Variants in NR6A1 observed in about 807,000 individuals in gnomAD.
The protein encoded by NR6A1 is retinoic acid receptor-related testis-associated receptor.
Under a neutral mutation model 59.1 loss-of-function variants are expected in NR6A1, and 7 were observed. The observed-to-expected ratio is 0.12, with a 90% CI of 0.07 to 0.22. The LOEUF is 0.22. NR6A1 is among the 10% of genes least tolerant of loss of function. The pLI, the probability that NR6A1 is intolerant of heterozygous loss-of-function variation, is 1.00. For missense variants in NR6A1, 468 were observed against 611.6 expected, an observed-to-expected ratio of 0.77 and a Z score of 2.48; for synonymous variants, 243 against 236.1, an observed-to-expected ratio of 1.03 and a Z score of -0.27.
At chr9:124,750,681 A>T (rs1322280199) in intron 1 of NR6A1, among the ~76,000 whole-genome samples, 1 of 152,042 alleles carries the variant, frequency 6.6e-6, no homozygotes, top group Non-Finnish European at 1.5e-5. Context: ...AATGGCGTGA[A>T]CCCAGGAGGC....
Position 124,521,619 on chromosome 9 carries a change from A to AGGAAG in NR6A1, c.*1081_*1085dup, listed in dbSNP as rs1048463701. 8.5e-5 allele frequency: 13 copies of AGGAAG among 152,310 alleles called. No homozygotes were observed. The highest frequency in any genetic ancestry group is 3.1e-4 in the African/African-American group (13 of 41,476). The allele number at this position is 152,310 out of a possible 1,614,324, so 9.4% of individuals were successfully genotyped here. A position where few individuals can be genotyped will look rare whatever the true frequency, so the allele number is the denominator to read the frequency against. On this transcript the variant is annotated 3_prime_UTR_variant, in exon 10 of 10. Coordinates refer to ENST00000487099, the MANE Select transcript of NR6A1 (RefSeq NM_033334.4). ...TCGGATTTAGACCTGAGGGTGCGGT[A>AGGAAG]GGAAGGGGAGGGGAGAGGAACAGAT... is the stretch of plus-strand genomic sequence containing the variant.
chr9:124,724,440 A>C lies in NR6A1; in HGVS notation c.142+8868T>G, dbSNP rs574480646. On this transcript the variant is annotated intron_variant, in intron 2 of 9. Coordinates refer to ENST00000487099, the MANE Select transcript of NR6A1 (RefSeq NM_033334.4). The stretch of plus-strand genomic sequence containing the variant: ...CTGGTAAAAAAAGAGAAAAAAAAAA[A>C]CCACACAGCTAAAAAGCTTCTAATA... Among the ~76,000 whole-genome samples the C allele has an allele frequency of 5.3e-4, 81 of 152,060 alleles. 1 individual carries two copies. The South Asian group carries it at 0.016, about 30-fold the overall frequency.
In NR6A1 at chr9:124,694,498, G is replaced by C. The variant is rs749918601; in HGVS notation, c.142+38810C>G. 2.4e-4 allele frequency among the ~76,000 whole-genome samples: 37 copies of C among 152,066 alleles called. 1 individual carries two copies. Among genetic ancestry groups the C allele is most frequent in the Non-Finnish European group, 5.1e-4 (35 of 68,008 alleles). On this transcript the variant is annotated intron_variant, in intron 2 of 9. Transcript: ENST00000487099. ...ATTCTCTTTTGACAAAAACTATGAG[G>C]CTCATTCATTCTAACCTTTGCAAAC...
intron 2 of NR6A1, among the ~76,000 whole-genome samples, chr9:124,585,564 G>C (rs898821255): frequency 7.4e-6 from 1 of 136,000 alleles, no homozygotes; most frequent in Non-Finnish European, 1.6e-5. Context: ...AAAAAGGGGG[G>C]GGGGGGCAAG....
In NR6A1 at chr9:124,733,317, G is replaced by T. The variant is rs1839935052; in HGVS notation, c.133C>A (p.Pro45Thr). The change falls in exon 2 of 10, where the codon CCA becomes ACA. Residue 45 changes from proline (P) to threonine (T), a missense_variant. Pro to Thr is a conservative substitution (Grantham distance 38). This residue lies in a region of NR6A1 where 75 missense variants were observed against 65.6 expected (regional missense o/e 1.14). Coordinates refer to ENST00000487099, the MANE Select transcript of NR6A1 (RefSeq NM_033334.4). Reference sequence around the variant, plus strand: ...AACATTGAGAACTTACTAGTGCCTGGGTCAAGCTCTGCCAATTCATCCTGA... The same window carrying T: ...AACATTGAGAACTTACTAGTGCCTGTGTCAAGCTCTGCCAATTCATCCTGA... ...FCQDELAELDPGTISVSDDRA... is the reference protein window; with the variant it reads ...FCQDELAELDTGTISVSDDRA... The T allele has an allele frequency of 6.2e-7, 1 of 1,612,446 alleles. No homozygotes were observed. The highest frequency in any genetic ancestry group is 1.7e-5 in the Admixed American group (1 of 59,978).
chr9:124,677,271 C>T (rs1837994254), intron 2 of NR6A1, among the ~76,000 whole-genome samples: 1 of 152,046 alleles, frequency 6.6e-6, no homozygotes, highest in Non-Finnish European at 1.5e-5. Context: ...TATTTCCTTT[C>T]TTCTGGAGAC....
chr9:124,660,504 C>T (rs1366428943), intron 2 of NR6A1, among the ~76,000 whole-genome samples: 1 of 152,156 alleles, frequency 6.6e-6, no homozygotes, highest in Non-Finnish European at 1.5e-5. Context: ...TTAGTTCCAG[C>T]CACCATTCGC....
At chr9:124,762,627 T>G (rs755059431) in intron 1 of NR6A1, among the ~76,000 whole-genome samples, 1 of 152,224 alleles carries the variant, frequency 6.6e-6, no homozygotes, top group African/African-American at 2.4e-5. Context: ...AGTGTGAGTT[T>G]AAAACCATAT....
At chr9:124,523,385 T>C (rs1320969706) in intron 9 of NR6A1, among the ~76,000 whole-genome samples, 4 of 152,182 alleles carry the variant, frequency 2.6e-5, no homozygotes, top group Non-Finnish European at 5.9e-5. Flanking sequence ...AATTTATAAA[T>C]ACCTAAGGCT....
intron 2 of NR6A1, among the ~76,000 whole-genome samples, chr9:124,608,647 G>T (rs1835644237): frequency 6.6e-6 from 1 of 152,092 alleles, no homozygotes; most frequent in African/African-American, 2.4e-5. Flanking sequence ...ATATTCCTTT[G>T]GGTATATACC....
chr9:124,712,993 C>T (rs1177191016), intron 2 of NR6A1, among the ~76,000 whole-genome samples: 2 of 152,232 alleles, frequency 1.3e-5, no homozygotes, highest in Non-Finnish European at 2.9e-5. Flanking sequence ...AAAAACCCTA[C>T]AGCTTCCTGA....
At chr9:124,544,710 AGGGGAAGGGTGGCCTATGTGGGG>A (rs1833547244) in intron 3 of NR6A1, among the ~76,000 whole-genome samples, 1 of 152,176 alleles carries the variant, frequency 6.6e-6, no homozygotes, top group Admixed American at 6.5e-5. Context: ...GCTAAAGCAT[AGGGGAAGGGTGGCCTATGTGGGG>A]GAAGAGTAGC....
At chr9:124,666,956 G>A (rs1222220577) in intron 2 of NR6A1, among the ~76,000 whole-genome samples, 1 of 152,124 alleles carries the variant, frequency 6.6e-6, no homozygotes, top group Non-Finnish European at 1.5e-5. Flanking sequence ...CCTGTGTCTA[G>A]CATAGCACCT....
At chr9:124,595,843 T>A (rs2130809907) in intron 2 of NR6A1, 1 of 1,288,810 alleles carries the variant, frequency 7.8e-7, no homozygotes, top group African/African-American at 1.5e-5. Flanking sequence ...TCCAGCTTGA[T>A]GACTACCCTT....
chr9:124,588,945 A>C (rs968732723), intron 2 of NR6A1, among the ~76,000 whole-genome samples: 2 of 151,372 alleles, frequency 1.3e-5, no homozygotes, highest in African/African-American at 2.4e-5. Flanking sequence ...AAAGAAAAAA[A>C]AAACAGTATA....
chr9:124,760,948 T>TG (rs971951684), intron 1 of NR6A1, among the ~76,000 whole-genome samples: 2 of 152,170 alleles, frequency 1.3e-5, no homozygotes, highest in Non-Finnish European at 2.9e-5. Context: ...TGCATGTCAA[T>TG]GGGGGGCTTC....
chr9:124,708,607 T>C (rs1354912942), intron 2 of NR6A1, among the ~76,000 whole-genome samples: 1 of 152,210 alleles, frequency 6.6e-6, no homozygotes. Context: ...TGGAATCATT[T>C]TCAGTTCCAG....
At chr9:124,683,497 T>A (rs899985765) in intron 2 of NR6A1, among the ~76,000 whole-genome samples, 7 of 152,214 alleles carry the variant, frequency 4.6e-5, no homozygotes, top group Non-Finnish European at 1.0e-4. Context: ...ACCACTCTGA[T>A]ATAAATACAA....
intron 2 of NR6A1, among the ~76,000 whole-genome samples, chr9:124,643,308 A>G (rs1226362183): frequency 2.0e-5 from 3 of 152,030 alleles, no homozygotes; most frequent in Non-Finnish European, 4.4e-5. Flanking sequence ...AAATATTTTA[A>G]AATTTTGCCA....
Sources: gnomAD v4.1 joint callset for allele counts (sites outside exome capture counted in the v4.1 genomes callset) on GRCh38, gnomAD v4.1.1 for gene constraint, gnomAD v4.1.1 regional missense constraint, MANE v1.5 for transcripts, NCBI Gene and HGNC (gene_info 2026-07-23, HGNC 2026-07-21) for gene names.